AFF3: variants seen among roughly 807,000 people sequenced by gnomAD.
AFF3 encodes the protein ALF transcription elongation factor 3.
A neutral mutation model predicts 129.7 loss-of-function variants in AFF3; 32 were observed. That is an observed-to-expected ratio of 0.25 (90% confidence interval 0.19 to 0.33). The LOEUF (loss-of-function observed/expected upper bound fraction) is 0.33. AFF3 is among the 10% of genes least tolerant of loss of function. AFF3 has a pLI of 1.00. For synonymous variants in AFF3, 644 were observed against 635.4 expected, an observed-to-expected ratio of 1.01 and a Z score of -0.20; for missense variants, 1,373 against 1,592.0, an observed-to-expected ratio of 0.86 and a Z score of 2.34.
intron 7 of AFF3, among the ~76,000 whole-genome samples, chr2:99,945,644 T>C (rs763535774): frequency 2.0e-5 from 3 of 152,182 alleles, no homozygotes; most frequent in Admixed American, 6.5e-5. Flanking sequence ...ACTGGAGAAA[T>C]TGTATGTGAT....
intron 1 of AFF3, among the ~76,000 whole-genome samples, chr2:100,130,956 A>C (rs1457590630): frequency 1.3e-5 from 2 of 152,188 alleles, no homozygotes; most frequent in East Asian, 3.8e-4. Context: ...GACAACAATA[A>C]AGATTGAATA....
At chr2:99,756,961 CCTT>C (rs1334257948) in intron 8 of AFF3, among the ~76,000 whole-genome samples, 1 of 152,224 alleles carries the variant, frequency 6.6e-6, no homozygotes, top group Non-Finnish European at 1.5e-5. Context: ...TGACATAACT[CCTT>C]CTGTTGTCAA....
intron 7 of AFF3, among the ~76,000 whole-genome samples, chr2:99,931,834 G>A (rs954933182): frequency 1.3e-5 from 2 of 152,136 alleles, no homozygotes; most frequent in African/African-American, 4.8e-5. Flanking sequence ...ACTTGAACTC[G>A]GGAGGCAGAG....
At chr2:99,928,969 A>G (rs916560162) in intron 7 of AFF3, among the ~76,000 whole-genome samples, 1 of 152,224 alleles carries the variant, frequency 6.6e-6, no homozygotes, top group Non-Finnish European at 1.5e-5. Flanking sequence ...CAGGAGCCAC[A>G]CTTTCAGGTC....
intron 13 of AFF3, among the ~76,000 whole-genome samples, chr2:99,645,159 GC>G (rs1044271407): frequency 1.1e-4 from 16 of 152,120 alleles, no homozygotes; most frequent in Non-Finnish European, 1.9e-4. Context: ...ACATGGTGAA[GC>G]CCCCCCTCTA....
intron 10 of AFF3, among the ~76,000 whole-genome samples, chr2:99,742,931 C>T (rs1040638457): frequency 1.3e-5 from 2 of 152,208 alleles, no homozygotes; most frequent in East Asian, 3.9e-4. Flanking sequence ...CCCCTTTACC[C>T]TGAACATTTA....
intron 10 of AFF3, among the ~76,000 whole-genome samples, chr2:99,730,376 T>C (rs1679724698): frequency 6.6e-6 from 1 of 152,226 alleles, no homozygotes; most frequent in Non-Finnish European, 1.5e-5. Context: ...TCTTTAAACA[T>C]TTAAATGGAC....
intron 7 of AFF3, among the ~76,000 whole-genome samples, chr2:99,893,587 A>G (rs1693729166): frequency 6.6e-6 from 1 of 152,068 alleles, no homozygotes; most frequent in African/African-American, 2.4e-5. Context: ...CAAACACTGA[A>G]CCCTGCCCGG....
chr2:99,825,049 C>T (rs1687968266), intron 8 of AFF3, among the ~76,000 whole-genome samples: 1 of 152,146 alleles, frequency 6.6e-6, no homozygotes. Flanking sequence ...TGAGTTCCAA[C>T]CCTGCATTTT....
Position 100,107,354 on chromosome 2 carries a change from C to T in AFF3, c.-144-1771G>A, listed in dbSNP as rs558179057. 6.1e-6 allele frequency: 6 copies of T among 985,352 alleles called. No individual in the cohort carries two copies. The Admixed American group carries it at 3.1e-4, about 50-fold the overall frequency. The allele number at this position is 985,352 out of a possible 1,614,324, so 61.0% of individuals were successfully genotyped here. On this transcript the variant is annotated intron_variant, in intron 2 of 24. Transcript: ENST00000672756. ...CAGCCTCTGGGTATGCAAACCAAAA[C>T]AAGCACTTAATCTAGTTGTCAAAAT...
At chr2:99,949,531 G>T (rs1038079211) in intron 7 of AFF3, among the ~76,000 whole-genome samples, 4 of 151,868 alleles carry the variant, frequency 2.6e-5, no homozygotes, top group Non-Finnish European at 4.4e-5. Flanking sequence ...TAGAATCAGT[G>T]GGAACCCAGA....
At chr2:99,793,596 CTAA>C (rs1266420340) in intron 8 of AFF3, among the ~76,000 whole-genome samples, 1 of 152,158 alleles carries the variant, frequency 6.6e-6, no homozygotes, top group Admixed American at 6.5e-5. Context: ...ATTTATTCTT[CTAA>C]TGTTTGTAAT....
At chr2:99,789,792 C>T (rs1229728861) in intron 8 of AFF3, among the ~76,000 whole-genome samples, 2 of 152,334 alleles carry the variant, frequency 1.3e-5, no homozygotes, top group Non-Finnish European at 2.9e-5. Flanking sequence ...TCTCACACTT[C>T]TTAAAGGCTT....
intron 12 of AFF3, among the ~76,000 whole-genome samples, chr2:99,669,365 T>C (rs1224931292): frequency 1.3e-5 from 2 of 152,136 alleles, no homozygotes; most frequent in Admixed American, 6.5e-5. Context: ...ACACACATAA[T>C]GAAATAGGAT....
intron 7 of AFF3, among the ~76,000 whole-genome samples, chr2:99,973,258 A>G (rs1047936266): frequency 2.0e-5 from 3 of 152,320 alleles, no homozygotes; most frequent in Non-Finnish European, 4.4e-5. Context: ...ATCAAGGCAC[A>G]GATGCAGCTA....
chr2:99,634,703 A>G (rs757328040), intron 13 of AFF3, among the ~76,000 whole-genome samples: 15 of 152,030 alleles, frequency 9.9e-5, no homozygotes, highest in Non-Finnish European at 1.5e-4. Context: ...CTCCTTCATT[A>G]TATGTCTAAA....
chr2:99,646,362 C>T (rs144248501), intron 13 of AFF3, among the ~76,000 whole-genome samples: 20 of 152,268 alleles, frequency 1.3e-4, no homozygotes, highest in South Asian at 2.1e-4. Flanking sequence ...AGAGCCAGTA[C>T]GGGCTTTTCT....
At chr2:100,053,225 G>A (rs567315805) in intron 4 of AFF3, among the ~76,000 whole-genome samples, 1 of 152,330 alleles carries the variant, frequency 6.6e-6, no homozygotes, top group African/African-American at 2.4e-5. Context: ...TACAACACTT[G>A]AACTGTGTTG....
At chr2:100,124,792 G>A (rs1692119091) in intron 2 of AFF3, among the ~76,000 whole-genome samples, 1 of 152,174 alleles carries the variant, frequency 6.6e-6, no homozygotes, top group Non-Finnish European at 1.5e-5. Context: ...TCAGGTGGAT[G>A]AATGTATAAT....
Sources: allele counts gnomAD v4.1 joint callset (sites outside exome capture counted in the v4.1 genomes callset), GRCh38; gene constraint gnomAD v4.1.1; transcripts MANE v1.5; gene names NCBI Gene and HGNC (gene_info 2026-07-23, HGNC 2026-07-21).